The following GRIN3A variants were observed in gnomAD, a reference collection of about 807,000 sequenced individuals.
The protein encoded by GRIN3A is glutamate ionotropic receptor NMDA type subunit 3A.
A neutral mutation model predicts 92.4 loss-of-function variants in GRIN3A; 47 were observed. The observed-to-expected ratio is 0.51, with a 90% CI of 0.40 to 0.65. GRIN3A has a LOEUF of 0.65. Among genes scored for constraint, GRIN3A ranks in the 30% least tolerant of loss-of-function variants. The probability of loss-of-function intolerance (pLI) is 0.00; values close to 1 mark genes in which losing one functional copy is unlikely to be tolerated. For synonymous variants in GRIN3A, 527 were observed against 540.6 expected (o/e 0.97, Z 0.35); for missense variants, 1,324 against 1,393.1 (o/e 0.95, Z 0.79).
chr9:101,657,743 A>C (rs555851904), intron 3 of GRIN3A, among the ~76,000 whole-genome samples: 26 of 151,602 alleles, frequency 1.7e-4, no homozygotes, highest in African/African-American at 5.3e-4. Flanking sequence ...GGTGGATGGA[A>C]GACACTATGC....
At chr9:101,639,281 G>A (rs547154777) in intron 3 of GRIN3A, among the ~76,000 whole-genome samples, 1 of 152,070 alleles carries the variant, frequency 6.6e-6, no homozygotes, top group Admixed American at 6.5e-5. Flanking sequence ...CACTGTAATT[G>A]TCAGGACTGG....
At chr9:101,619,192 G>A (rs553256848) in intron 5 of GRIN3A, among the ~76,000 whole-genome samples, 1 of 152,152 alleles carries the variant, frequency 6.6e-6, no homozygotes, top group Admixed American at 6.5e-5. Flanking sequence ...ATCTCAGATA[G>A]GGTTAAAAAG....
chr9:101,661,309 TA>T (rs1005850457), intron 3 of GRIN3A, among the ~76,000 whole-genome samples: 1 of 151,862 alleles, frequency 6.6e-6, no homozygotes, highest in East Asian at 1.9e-4. Context: ...ATGAATGTTG[TA>T]AAAAATATGA....
intron 1 of GRIN3A, among the ~76,000 whole-genome samples, chr9:101,707,329 T>C (rs571553545): frequency 3.2e-4 from 49 of 152,338 alleles, no homozygotes; most frequent in African/African-American, 1.1e-3. Context: ...TCACCAATTA[T>C]TGTTTATATC....
chr9:101,660,758 G>GC (rs1361580668), intron 3 of GRIN3A, among the ~76,000 whole-genome samples: 1 of 151,398 alleles, frequency 6.6e-6, no homozygotes, highest in Non-Finnish European at 1.5e-5. Flanking sequence ...ATACCACATT[G>GC]CCCCCAACAG....
At chr9:101,624,591 A>G (rs1373170435) in intron 4 of GRIN3A, among the ~76,000 whole-genome samples, 1 of 152,116 alleles carries the variant, frequency 6.6e-6, no homozygotes, top group Non-Finnish European at 1.5e-5. Flanking sequence ...TCCATGGTGT[A>G]TATGTGCCAC....
intron 1 of GRIN3A, among the ~76,000 whole-genome samples, chr9:101,716,182 G>A (rs1206526612): frequency 6.6e-6 from 1 of 152,152 alleles, no homozygotes; most frequent in Non-Finnish European, 1.5e-5. Flanking sequence ...TCACAATCTT[G>A]TTAATTATCA....
In GRIN3A at chr9:101,736,206, C is replaced by A. The variant is rs536417118; in HGVS notation, c.699+1075G>T. Among the ~76,000 whole-genome samples the A allele has an allele frequency of 2.6e-5, 4 of 152,290 alleles. No homozygotes were observed. In the South Asian group the frequency reaches 8.3e-4, roughly 32 times the overall value. ...TGGACTTTTTTACTAGTACACTGACCAATGTTGATCAAGTCCCCAGACTTT... is the reference window on the plus strand; with the variant it reads ...TGGACTTTTTTACTAGTACACTGACAAATGTTGATCAAGTCCCCAGACTTT... On this transcript the variant is annotated intron_variant, in intron 1 of 8. Coordinates refer to ENST00000361820, the MANE Select transcript of GRIN3A (RefSeq NM_133445.3).
chr9:101,582,912 T>C (rs531803266), intron 6 of GRIN3A, among the ~76,000 whole-genome samples: 9 of 152,304 alleles, frequency 5.9e-5, no homozygotes, highest in African/African-American at 2.2e-4. Flanking sequence ...CAATAACAAA[T>C]AGGCCGTATT....
At position 101,622,290 on chromosome 9, in the gene GRIN3A, T is replaced by A. The variant is rs10114541; in HGVS notation, c.2614+1028A>T. 9.2e-3 allele frequency among the ~76,000 whole-genome samples: 1,398 copies of A among 152,348 alleles called. 26 individuals carry two copies. The highest frequency in any genetic ancestry group is 0.032 in the African/African-American group (1,341 of 41,588). On this transcript the variant is annotated intron_variant, in intron 5 of 8. Transcript: ENST00000361820. ...TATCCTAGTTAACATACAGGAAAGTTCAGATTTCTGGAAATAGCAGTTGGG... is the reference window on the plus strand; with the variant it reads ...TATCCTAGTTAACATACAGGAAAGTACAGATTTCTGGAAATAGCAGTTGGG...
chr9:101,667,150 T>G (rs1352069348), intron 3 of GRIN3A, among the ~76,000 whole-genome samples: 2 of 152,030 alleles, frequency 1.3e-5, no homozygotes. Flanking sequence ...ATCTTGCCTG[T>G]GCTTTATACT....
chr9:101,656,991 T>C (rs10819969), intron 3 of GRIN3A, among the ~76,000 whole-genome samples: 51,162 of 151,796 alleles, frequency 0.34, 9,505 homozygotes, highest in Non-Finnish European at 0.42. Flanking sequence ...CCCCTTGTTC[T>C]CTATGTAAGC....
At chr9:101,709,003 A>T (rs1829844096) in intron 1 of GRIN3A, among the ~76,000 whole-genome samples, 1 of 152,230 alleles carries the variant, frequency 6.6e-6, no homozygotes, top group Admixed American at 6.5e-5. Flanking sequence ...ACACACAGGC[A>T]ATTTCAAAAT....
chr9:101,713,253 AT>A (rs1158383386), intron 1 of GRIN3A, among the ~76,000 whole-genome samples: 3 of 152,218 alleles, frequency 2.0e-5, no homozygotes, highest in Non-Finnish European at 2.9e-5. Context: ...GAGAGGTTTA[AT>A]TCCCACAGGA....
chr9:101,584,660 A>G (rs947255927), intron 6 of GRIN3A, among the ~76,000 whole-genome samples: 1 of 152,238 alleles, frequency 6.6e-6, no homozygotes, highest in Admixed American at 6.5e-5. Flanking sequence ...GGCTTCCACC[A>G]TCTATAAATT....
intron 3 of GRIN3A, among the ~76,000 whole-genome samples, chr9:101,667,482 T>C (rs1327032205): frequency 1.3e-5 from 2 of 152,158 alleles, no homozygotes; most frequent in African/African-American, 2.4e-5. Context: ...TTGCTAAACT[T>C]TGGCGTATTT....
In GRIN3A at chr9:101,572,767, C is replaced by G. The variant is rs1827776959; in HGVS notation, c.*407G>C. 4.4e-6 allele frequency: 1 copy of G among 226,258 alleles called. No individual in the cohort carries two copies. Among genetic ancestry groups the G allele is most frequent in the African/African-American group, 2.2e-5 (1 of 44,536 alleles). The allele number at this position is 226,258 out of a possible 1,614,324, so 14.0% of individuals were successfully genotyped here. On this transcript the variant is annotated 3_prime_UTR_variant, in exon 9 of 9. Transcript: ENST00000361820. ...AGCTACAACCCTAGATAACCTCGTTCTGTGTTACGATGAAAACCAGCAACC... is the reference window on the plus strand; with the variant it reads ...AGCTACAACCCTAGATAACCTCGTTGTGTGTTACGATGAAAACCAGCAACC...
chr9:101,685,308 CTTT>C (rs35028586), intron 2 of GRIN3A, among the ~76,000 whole-genome samples: 3 of 115,222 alleles, frequency 2.6e-5, no homozygotes, highest in Admixed American at 9.2e-5. Flanking sequence ...TTTATCATGT[CTTT>C]TTTTTTTTTT....
chr9:101,585,425 T>C (rs1827937662), intron 6 of GRIN3A, among the ~76,000 whole-genome samples: 1 of 152,204 alleles, frequency 6.6e-6, no homozygotes, highest in Non-Finnish European at 1.5e-5. Flanking sequence ...GGGGCTTTTC[T>C]GTCCTAACTT....
Sources: gnomAD v4.1 joint callset for allele counts (sites outside exome capture counted in the v4.1 genomes callset) on GRCh38, gnomAD v4.1.1 for gene constraint, MANE v1.5 for transcripts, NCBI Gene and HGNC (gene_info 2026-07-23, HGNC 2026-07-21) for gene names.